GLIS3: variants seen among roughly 807,000 people sequenced by gnomAD.
The protein encoded by GLIS3 is zinc finger protein GLIS3.
Under a neutral mutation model 78.6 loss-of-function variants are expected in GLIS3, and 53 were observed. That is an observed-to-expected ratio of 0.67 (90% confidence interval 0.54 to 0.85). The LOEUF is 0.85. GLIS3 is among the 40% of genes least tolerant of loss of function. GLIS3 has a pLI of 0.00. For missense variants in GLIS3, 1,703 were observed against 1,231.1 expected (o/e 1.38, Z -5.74); for synonymous variants, 684 against 509.9 (o/e 1.34, Z -4.60).
intron 2 of GLIS3, among the ~76,000 whole-genome samples, chr9:4,196,848 T>C (rs1389541301): frequency 1.3e-5 from 2 of 152,198 alleles, no homozygotes; most frequent in African/African-American, 2.4e-5. Flanking sequence ...CAAGTCCAGC[T>C]TGGCAACCTG....
intron 4 of GLIS3, among the ~76,000 whole-genome samples, chr9:4,048,152 G>T (rs1300747510): frequency 6.6e-6 from 1 of 152,178 alleles, no homozygotes; most frequent in Non-Finnish European, 1.5e-5. Flanking sequence ...TCCGACCCCT[G>T]AAGAAGAGTG....
the GLIS3 span, among the ~76,000 whole-genome samples, chr9:4,363,134 A>G: frequency 3.3e-5 from 5 of 152,212 alleles, no homozygotes; most frequent in South Asian, 1.0e-3. Flanking sequence ...ATAATTAAGA[A>G]TAAGCTGGCT....
At chr9:4,409,656 T>C in the GLIS3 span, among the ~76,000 whole-genome samples, 1 of 152,202 alleles carries the variant, frequency 6.6e-6, no homozygotes, top group East Asian at 1.9e-4. Context: ...AAACAAATTA[T>C]GCTTCTAGAT....
chr9:4,329,230 G>T (rs994642632), intron 2 of GLIS3, among the ~76,000 whole-genome samples: 2 of 151,866 alleles, frequency 1.3e-5, no homozygotes, highest in South Asian at 4.1e-4. Flanking sequence ...CTGAGTCCAC[G>T]ACCCCCAGGC....
chr9:4,033,821 C>T (rs1293833255), intron 4 of GLIS3, among the ~76,000 whole-genome samples: 2 of 110,676 alleles, frequency 1.8e-5, no homozygotes, highest in Non-Finnish European at 3.4e-5. Flanking sequence ...CACATGGCAA[C>T]ACAAGGATTT....
chr9:3,943,401 A>G (rs1816077974), intron 4 of GLIS3, among the ~76,000 whole-genome samples: 2 of 152,202 alleles, frequency 1.3e-5, no homozygotes, highest in South Asian at 4.1e-4. Context: ...TTGCTTTGCA[A>G]TTTTACTCAT....
intron 2 of GLIS3, among the ~76,000 whole-genome samples, chr9:4,172,213 G>C (rs753532973): frequency 6.6e-6 from 1 of 152,120 alleles, no homozygotes; most frequent in African/African-American, 2.4e-5. Flanking sequence ...TCTTGTATTT[G>C]CATCTGTCTT....
intron 2 of GLIS3, among the ~76,000 whole-genome samples, chr9:4,219,835 C>T (rs532637955): frequency 9.2e-4 from 140 of 152,248 alleles, no homozygotes; most frequent in African/African-American, 3.3e-3. Context: ...CTACGTATTT[C>T]CTAGGTCTCC....
At chr9:4,270,371 T>G (rs971881635) in intron 2 of GLIS3, among the ~76,000 whole-genome samples, 1 of 152,200 alleles carries the variant, frequency 6.6e-6, no homozygotes, top group African/African-American at 2.4e-5. Context: ...CAATACACAT[T>G]TATCACCTCA....
chr9:4,329,976 T>A (rs777300549), intron 2 of GLIS3, among the ~76,000 whole-genome samples: 3 of 126,984 alleles, frequency 2.4e-5, no homozygotes, highest in Non-Finnish European at 4.7e-5. Context: ...TTAATCTTTG[T>A]GTTTTTCTTC....
chr9:4,235,741 G>A (rs1563804105), intron 2 of GLIS3, among the ~76,000 whole-genome samples: 1 of 152,130 alleles, frequency 6.6e-6, no homozygotes, highest in South Asian at 2.1e-4. Context: ...TATCTTGGAT[G>A]AAAACCAAGA....
chr9:4,060,308 C>A (rs1826537515), intron 4 of GLIS3, among the ~76,000 whole-genome samples: 1 of 152,182 alleles, frequency 6.6e-6, no homozygotes, highest in Non-Finnish European at 1.5e-5. Context: ...GTCTTTTGAA[C>A]CTCAAATCTG....
rs548165750 is a variant in GLIS3, at chr9:3,971,499, G to T, written c.1711-34310C>A. 2.6e-5 allele frequency among the ~76,000 whole-genome samples: 4 copies of T among 152,266 alleles called. No individual in the cohort carries two copies. The East Asian group carries it at 5.8e-4, about 22-fold the overall frequency. ...ATTGGGGGAAACTAATAACAGGTTT[G>T]TGAGAAGAAGAGAGAAAGGGAAATG... On this transcript the variant is annotated intron_variant, in intron 4 of 10. Transcript: ENST00000381971.
In GLIS3 at chr9:3,994,263, C is replaced by T. The variant is rs140683516; in HGVS notation, c.1711-57074G>A. Among the ~76,000 whole-genome samples the T allele has an allele frequency of 2.0e-5, 3 of 152,322 alleles. No homozygotes were observed. In the East Asian group the frequency reaches 5.8e-4, roughly 29 times the overall value. ...CTCATTATGGTCTCATTACCCTTTACATTGAAAAATACAAAGCCACTTCAA... is the reference window on the plus strand; with the variant it reads ...CTCATTATGGTCTCATTACCCTTTATATTGAAAAATACAAAGCCACTTCAA... On this transcript the variant is annotated intron_variant, in intron 4 of 10. Transcript: ENST00000381971.
At chr9:3,837,548 T>C (rs562001405) in intron 9 of GLIS3, among the ~76,000 whole-genome samples, 30 of 152,150 alleles carry the variant, frequency 2.0e-4, no homozygotes, top group Non-Finnish European at 3.4e-4. Flanking sequence ...AACGAATAAA[T>C]AAACTGCAGT....
chr9:3,916,802 G>A (rs1432299293), intron 6 of GLIS3, among the ~76,000 whole-genome samples: 1 of 152,038 alleles, frequency 6.6e-6, no homozygotes, highest in Non-Finnish European at 1.5e-5. Flanking sequence ...GAGACTTCAT[G>A]GAAAACAATA....
At chr9:3,998,873 A>C (rs1047078377) in intron 4 of GLIS3, among the ~76,000 whole-genome samples, 4 of 151,600 alleles carry the variant, frequency 2.6e-5, no homozygotes, top group Non-Finnish European at 5.9e-5. Context: ...TATCACTTTC[A>C]ATACAATTAC....
At chr9:3,986,565 C>CACAGG (rs1188298802) in intron 4 of GLIS3, among the ~76,000 whole-genome samples, 10 of 152,224 alleles carry the variant, frequency 6.6e-5, no homozygotes, top group African/African-American at 2.4e-4. Context: ...TCTCCAGAGG[C>CACAGG]ACAGGACTGG....
chr9:3,865,210 A>G (rs1490750464), intron 8 of GLIS3, among the ~76,000 whole-genome samples: 3 of 152,214 alleles, frequency 2.0e-5, no homozygotes, highest in Non-Finnish European at 4.4e-5. Flanking sequence ...GGTTCATCCA[A>G]TGAACTTTGC....
Sources: gnomAD v4.1 joint callset for allele counts (sites outside exome capture counted in the v4.1 genomes callset) on GRCh38, gnomAD v4.1.1 for gene constraint, MANE v1.5 for transcripts, NCBI Gene and HGNC (gene_info 2026-07-23, HGNC 2026-07-21) for gene names.